TMEM117: variants seen among roughly 807,000 people sequenced by gnomAD.
The protein encoded by TMEM117 is transmembrane protein 117.
A neutral mutation model predicts 52.4 loss-of-function variants in TMEM117; 27 were observed. That is an observed-to-expected ratio of 0.51 (90% CI 0.38 to 0.71). The LOEUF (loss-of-function observed/expected upper bound fraction) is 0.71, where lower values mean the gene tolerates loss of function less well. Ranked by LOEUF, TMEM117 falls within the 30% of genes least tolerant of loss-of-function variation. The pLI is 0.00. For synonymous variants in TMEM117, 215 were observed against 206.3 expected, an observed-to-expected ratio of 1.04 and a Z score of -0.36; for missense variants, 556 against 630.5, an observed-to-expected ratio of 0.88 and a Z score of 1.26.
At chr12:44,375,370 T>G (rs147172773) in intron 6 of TMEM117, among the ~76,000 whole-genome samples, 1 of 152,286 alleles carries the variant, frequency 6.6e-6, no homozygotes. Flanking sequence ...GTTTTACTTC[T>G]TGTATATTTA....
intron 2 of TMEM117, among the ~76,000 whole-genome samples, chr12:43,929,579 A>G (rs912265033): frequency 6.6e-6 from 1 of 152,132 alleles, no homozygotes; most frequent in Non-Finnish European, 1.5e-5. Flanking sequence ...CAGTTTTGTA[A>G]GTTTTTGACA....
chr12:44,038,961 T>A (rs1305192801), intron 3 of TMEM117, among the ~76,000 whole-genome samples: 2 of 152,200 alleles, frequency 1.3e-5, no homozygotes, highest in Non-Finnish European at 2.9e-5. Flanking sequence ...ATCAAACAGG[T>A]ACTCACAATT....
intron 3 of TMEM117, among the ~76,000 whole-genome samples, chr12:44,004,833 G>C (rs1310537726): frequency 6.6e-6 from 1 of 152,054 alleles, no homozygotes; most frequent in African/African-American, 2.4e-5. Flanking sequence ...AGCTGAGTTG[G>C]GACATCAGTA....
chr12:44,341,703 A>C (rs1016477679), intron 6 of TMEM117, among the ~76,000 whole-genome samples: 2 of 152,130 alleles, frequency 1.3e-5, no homozygotes, highest in Non-Finnish European at 2.9e-5. Context: ...ATTTGCAGTC[A>C]CATCCGATGA....
At chr12:44,024,927 G>A (rs1349150409) in intron 3 of TMEM117, among the ~76,000 whole-genome samples, 3 of 152,002 alleles carry the variant, frequency 2.0e-5, no homozygotes, top group African/African-American at 7.2e-5. Flanking sequence ...GAGAGAGAGA[G>A]CGCCTTCATC....
At position 44,366,234 on chromosome 12, in the gene TMEM117, A is replaced by C. The variant is rs547678039; in HGVS notation, c.769-10361A>C. 1.1e-4 allele frequency among the ~76,000 whole-genome samples: 17 copies of C among 152,126 alleles called. No homozygotes were observed. The South Asian group carries it at 3.3e-3, about 30-fold the overall frequency. ...AAAACATATTTGCTGTAGCCACCTC[A>C]GGCTTTGAATGGATTGTGTCGGTAT... On this transcript the variant is annotated intron_variant, in intron 6 of 7. Coordinates refer to ENST00000266534, the MANE Select transcript of TMEM117 (RefSeq NM_032256.3).
intron 6 of TMEM117, among the ~76,000 whole-genome samples, chr12:44,371,388 T>C (rs1565767538): frequency 6.6e-6 from 1 of 152,184 alleles, no homozygotes; most frequent in Non-Finnish European, 1.5e-5. Flanking sequence ...ATACAAATTA[T>C]TACATTGAAA....
chr12:44,319,232 A>G (rs1304666261), intron 6 of TMEM117, among the ~76,000 whole-genome samples: 3 of 152,200 alleles, frequency 2.0e-5, no homozygotes, highest in Non-Finnish European at 4.4e-5. Flanking sequence ...ACCTGGATTA[A>G]AAATGGCATC....
chr12:44,058,124 A>G (rs1203464661), intron 3 of TMEM117, among the ~76,000 whole-genome samples: 5 of 151,080 alleles, frequency 3.3e-5, no homozygotes, highest in African/African-American at 1.2e-4. Context: ...AAAAAATAAT[A>G]GAGAGATGTA....
At chr12:44,055,663 G>A (rs950373948) in intron 3 of TMEM117, among the ~76,000 whole-genome samples, 5 of 151,768 alleles carry the variant, frequency 3.3e-5, no homozygotes, top group Admixed American at 3.3e-4. Flanking sequence ...TTTCTTATAG[G>A]GTTAAAATCA....
the TMEM117 span, chr12:43,806,427 G>A: frequency 8.8e-7 from 1 of 1,131,606 alleles, no homozygotes; most frequent in Non-Finnish European, 1.1e-6. Context: ...CGCCCTTCCT[G>A]GCCGCCGGGC....
intron 5 of TMEM117, among the ~76,000 whole-genome samples, chr12:44,277,367 A>G (rs1467091481): frequency 2.0e-5 from 3 of 152,130 alleles, no homozygotes; most frequent in Non-Finnish European, 1.5e-5. Flanking sequence ...CTAAAGCTGT[A>G]TTAGTTTTCT....
chr12:44,080,347 G>T (rs1467241290), intron 3 of TMEM117, among the ~76,000 whole-genome samples: 2 of 152,082 alleles, frequency 1.3e-5, no homozygotes, highest in Non-Finnish European at 2.9e-5. Flanking sequence ...TGGGGGAAAA[G>T]AACCTTATAA....
intron 3 of TMEM117, among the ~76,000 whole-genome samples, chr12:44,067,947 A>G (rs1013781159): frequency 2.0e-5 from 3 of 152,216 alleles, no homozygotes; most frequent in Non-Finnish European, 4.4e-5. Flanking sequence ...AGCCATTTTC[A>G]TCAGTGATCT....
intron 4 of TMEM117, among the ~76,000 whole-genome samples, chr12:44,193,118 A>G (rs762936977): frequency 2.6e-5 from 4 of 152,148 alleles, no homozygotes; most frequent in Non-Finnish European, 5.9e-5. Flanking sequence ...GACTTTAAGA[A>G]TATCTTTCTA....
At chr12:43,839,328 C>T (rs752009640) in intron 1 of TMEM117, among the ~76,000 whole-genome samples, 2 of 152,144 alleles carry the variant, frequency 1.3e-5, no homozygotes, top group Admixed American at 6.5e-5. Flanking sequence ...AGCCCACATA[C>T]GAGGGCTTCA....
intron 2 of TMEM117, among the ~76,000 whole-genome samples, chr12:43,860,897 T>C (rs1943478158): frequency 6.6e-6 from 1 of 152,136 alleles, no homozygotes; most frequent in African/African-American, 2.4e-5. Flanking sequence ...TTGAGCTCAT[T>C]GTCTTAGTTT....
At chr12:43,875,726 T>G (rs1943783972) in intron 2 of TMEM117, among the ~76,000 whole-genome samples, 1 of 152,184 alleles carries the variant, frequency 6.6e-6, no homozygotes, top group Non-Finnish European at 1.5e-5. Context: ...TATTTACTAT[T>G]GAAAGGAAGA....
intron 3 of TMEM117, among the ~76,000 whole-genome samples, chr12:44,066,851 G>A (rs909181606): frequency 5.9e-5 from 9 of 152,108 alleles, no homozygotes; most frequent in African/African-American, 1.9e-4. Context: ...ATCAATTGAC[G>A]CTTCTTTTCA....
Sources: allele counts gnomAD v4.1 joint callset (sites outside exome capture counted in the v4.1 genomes callset), GRCh38; gene constraint gnomAD v4.1.1; transcripts MANE v1.5; gene names NCBI Gene and HGNC (gene_info 2026-07-23, HGNC 2026-07-21).